The following ACOXL variants were observed in gnomAD, a reference collection of about 807,000 sequenced individuals.
ACOXL encodes the protein acyl-CoA oxidase like.
A neutral mutation model predicts 71.9 loss-of-function variants in ACOXL; 70 were observed. The observed-to-expected ratio is 0.97, with a 90% CI of 0.80 to 1.19. The LOEUF (loss-of-function observed/expected upper bound fraction) is 1.19, where lower values mean the gene tolerates loss of function less well. Among genes scored for constraint, ACOXL ranks in the 50% most tolerant of loss-of-function variants. ACOXL has a pLI of 0.00. For synonymous variants in ACOXL, 253 were observed against 281.6 expected (o/e 0.90, Z 1.02); for missense variants, 703 against 736.3 (o/e 0.95, Z 0.52).
chr2:110,807,639 C>A, intron 9 of ACOXL, among the ~76,000 whole-genome samples: 1 of 152,264 alleles, frequency 6.6e-6, no homozygotes, highest in Middle Eastern at 3.4e-3. Flanking sequence ...GGGAAGACCC[C>A]GCACAGAGCC....
intron 12 of ACOXL, among the ~76,000 whole-genome samples, chr2:110,956,987 G>A (rs548666408): frequency 6.6e-6 from 1 of 152,258 alleles, no homozygotes; most frequent in African/African-American, 2.4e-5. Context: ...GCTTCCCAGA[G>A]CCCAGGTTCT....
intron 9 of ACOXL, among the ~76,000 whole-genome samples, chr2:110,821,019 A>G (rs1290329306): frequency 6.6e-6 from 1 of 152,214 alleles, no homozygotes; most frequent in Non-Finnish European, 1.5e-5. Context: ...CTCCTGTCCC[A>G]GCAAATATGA....
intron 14 of ACOXL, among the ~76,000 whole-genome samples, chr2:111,002,574 A>G (rs533085650): frequency 7.9e-5 from 12 of 152,348 alleles, no homozygotes; most frequent in Admixed American, 5.9e-4. Flanking sequence ...TTTACATGCT[A>G]CAAAATTGTT....
chr2:111,117,619 C>A lies in ACOXL; in HGVS notation c.1546C>A (p.Leu516Met). 1 of 1,551,764 alleles carries A rather than the reference C, an allele frequency of 6.4e-7. No homozygotes were observed. The highest frequency in any genetic ancestry group is 8.7e-7 in the Non-Finnish European group (1 of 1,147,004). Residue 516 changes from leucine to methionine, a missense_variant, in exon 18 of 18, where the codon CTG becomes ATG. Transcript: ENST00000439055. ...MASTRIRNQL[L>M]DLCDSVKDDA... ...CCCATTGTGTTGTGTTTTGCAGTTG[C>A]TGGATTTGTGCGACTCGGTGAAGGA...
At chr2:110,776,838 A>G (rs547949082) in intron 2 of ACOXL, among the ~76,000 whole-genome samples, 20 of 152,126 alleles carry the variant, frequency 1.3e-4, no homozygotes, top group African/African-American at 4.8e-4. Flanking sequence ...TTAGAAATAT[A>G]CTATATGAGA....
chr2:111,016,325 A>C (rs1328985138), intron 14 of ACOXL, among the ~76,000 whole-genome samples: 2 of 152,036 alleles, frequency 1.3e-5, no homozygotes, highest in Non-Finnish European at 2.9e-5. Flanking sequence ...GGGTATAGGA[A>C]ATGTTCTGTA....
At chr2:111,090,973 AG>A (rs1558958782) in intron 16 of ACOXL, among the ~76,000 whole-genome samples, 2 of 152,156 alleles carry the variant, frequency 1.3e-5, no homozygotes, top group Admixed American at 1.3e-4. Context: ...GTCTTTGAAG[AG>A]GTCCTTCACA....
chr2:110,926,181 T>A (rs1271514231), intron 11 of ACOXL, among the ~76,000 whole-genome samples: 3 of 152,040 alleles, frequency 2.0e-5, no homozygotes, highest in Non-Finnish European at 2.9e-5. Flanking sequence ...AATGAAAAAG[T>A]TTGAAATATT....
At chr2:110,768,979 C>T (rs993364601) in intron 2 of ACOXL, among the ~76,000 whole-genome samples, 1 of 151,810 alleles carries the variant, frequency 6.6e-6, no homozygotes, top group Admixed American at 6.6e-5. Flanking sequence ...AAACCCTTTC[C>T]TCGGCCCACA....
At chr2:110,936,311 G>A (rs1277690556) in intron 12 of ACOXL, among the ~76,000 whole-genome samples, 25 of 152,104 alleles carry the variant, frequency 1.6e-4, no homozygotes, top group Non-Finnish European at 1.5e-5. Context: ...TGTCACCCAA[G>A]CTGAAGTGTA....
chr2:110,836,954 C>T lies in ACOXL; in HGVS notation c.754-4417C>T, dbSNP rs181053573. Among the ~76,000 whole-genome samples, 147 of 152,324 alleles carry T rather than the reference C, an allele frequency of 9.7e-4. 1 individual carries two copies. The highest frequency in any genetic ancestry group is 2.5e-3 in the African/African-American group (104 of 41,570). Reference sequence around the variant, plus strand: ...TTGACATGTTTTGTTTGGCTTGAATCGTATTTGAAAAATATTCAAATTAGT... The same window carrying T: ...TTGACATGTTTTGTTTGGCTTGAATTGTATTTGAAAAATATTCAAATTAGT... On this transcript the variant is annotated intron_variant, in intron 9 of 17. Transcript: ENST00000439055.
At chr2:110,800,960 A>AGT (rs1179497709) in intron 7 of ACOXL, among the ~76,000 whole-genome samples, 1 of 152,176 alleles carries the variant, frequency 6.6e-6, no homozygotes, top group Non-Finnish European at 1.5e-5. Flanking sequence ...GCTACATGCA[A>AGT]GTGTGTCCTT....
At chr2:110,801,807 G>A (rs191141805) in intron 8 of ACOXL, 83 bp downstream of exon 8, 6 of 1,189,768 alleles carry the variant, frequency 5.0e-6, no homozygotes, top group African/African-American at 1.5e-5. Flanking sequence ...TGGGTCTCAT[G>A]GGCTGCATGT....
chr2:110,759,180 A>G (rs374692483), intron 1 of ACOXL, among the ~76,000 whole-genome samples: 4 of 152,130 alleles, frequency 2.6e-5, no homozygotes, highest in East Asian at 3.9e-4. Flanking sequence ...TTCTGTAGAT[A>G]TCTGTCAGGT....
chr2:111,067,011 G>T (rs1300870837), intron 16 of ACOXL, among the ~76,000 whole-genome samples: 1 of 152,094 alleles, frequency 6.6e-6, no homozygotes, highest in Non-Finnish European at 1.5e-5. Flanking sequence ...GTTGAGTAAC[G>T]GACATATATT....
At chr2:111,113,631 G>C (rs2070144219) in intron 17 of ACOXL, among the ~76,000 whole-genome samples, 1 of 152,182 alleles carries the variant, frequency 6.6e-6, no homozygotes, top group South Asian at 2.1e-4. Context: ...ATGAATTGTT[G>C]ATTGGGGACT....
intron 10 of ACOXL, among the ~76,000 whole-genome samples, chr2:110,855,704 G>T (rs1483576807): frequency 3.9e-5 from 6 of 152,158 alleles, no homozygotes; most frequent in African/African-American, 1.2e-4. Context: ...TTTAAATTGT[G>T]TGCCATCCTG....
chr2:110,983,038 G>A (rs1228478031), intron 12 of ACOXL, among the ~76,000 whole-genome samples: 1 of 152,224 alleles, frequency 6.6e-6, no homozygotes, highest in African/African-American at 2.4e-5. Flanking sequence ...CGTAAGTACT[G>A]CCACTTTGAG....
intron 16 of ACOXL, among the ~76,000 whole-genome samples, chr2:111,070,277 G>A (rs1429669013): frequency 6.6e-6 from 1 of 152,130 alleles, no homozygotes; most frequent in Admixed American, 6.5e-5. Context: ...ATGGTAGACT[G>A]GATAAAGAAA....
Sources: allele counts gnomAD v4.1 joint callset (sites outside exome capture counted in the v4.1 genomes callset), GRCh38; gene constraint gnomAD v4.1.1; transcripts MANE v1.5; gene names NCBI Gene and HGNC (gene_info 2026-07-23, HGNC 2026-07-21).